The following SNX18 variants were observed in gnomAD, a reference collection of about 807,000 sequenced individuals.
SNX18 encodes sorting nexin 18.
A neutral mutation model predicts 48.7 loss-of-function variants in SNX18; 35 were observed. That is an observed-to-expected ratio of 0.72 (90% CI 0.55 to 0.95). The LOEUF is 0.95. SNX18 is among the 40% of genes least tolerant of loss of function. The pLI, the probability that SNX18 is intolerant of heterozygous loss-of-function variation, is 0.00. For missense variants in SNX18, 824 were observed against 871.0 expected (o/e 0.95, Z 0.68); for synonymous variants, 492 against 384.7 (o/e 1.28, Z -3.26).
the SNX18 span, among the ~76,000 whole-genome samples, chr5:54,566,573 A>C: frequency 6.6e-6 from 1 of 152,266 alleles, no homozygotes; most frequent in South Asian, 2.1e-4. Context: ...ATGGAAGTTT[A>C]TTTCTTCTTC....
the SNX18 span, among the ~76,000 whole-genome samples, chr5:54,609,559 T>C: frequency 6.6e-6 from 1 of 152,006 alleles, no homozygotes; most frequent in Non-Finnish European, 1.5e-5. Flanking sequence ...CCTCAAGTGA[T>C]CTCCCACCTC....
intron 1 of SNX18, among the ~76,000 whole-genome samples, chr5:54,535,284 A>G (rs1377698527): frequency 6.6e-6 from 1 of 152,210 alleles, no homozygotes; most frequent in Non-Finnish European, 1.5e-5. Context: ...AAGTGAATTT[A>G]GGACATTCGA....
chr5:54,626,085 T>G, the SNX18 span, among the ~76,000 whole-genome samples: 1 of 152,368 alleles, frequency 6.6e-6, no homozygotes, highest in Admixed American at 6.5e-5. Context: ...CTTCTCTTTT[T>G]GGCTTAAGCT....
Position 54,517,762 on chromosome 5 carries a change from CGGCGCTGCGAAGTGGA to C in SNX18, c.-180_-165del, listed in dbSNP as rs1268093418. On this transcript the variant is annotated 5_prime_UTR_variant, in exon 1 of 2. Coordinates refer to ENST00000381410, the MANE Select transcript of SNX18 (RefSeq NM_001102575.2). ...GGCTGCGGCGGCCCAGCGCGGCAGTCGGCGCTGCGAAGTGGAGGCGCTGCGAGCGGAGCCGCGCGGA... is the reference window on the plus strand; with the variant it reads ...GGCTGCGGCGGCCCAGCGCGGCAGTCGGCGCTGCGAGCGGAGCCGCGCGGA... 6.7e-5 allele frequency: 26 copies of C among 386,216 alleles called. No homozygotes were observed. Among genetic ancestry groups the C allele is most frequent in the Non-Finnish European group, 1.0e-4 (24 of 240,642 alleles). The allele number at this position is 386,216 out of a possible 1,614,324, so 23.9% of individuals were successfully genotyped here. A position where few individuals can be genotyped will look rare whatever the true frequency, so the allele number is the denominator to read the frequency against.
the SNX18 span, among the ~76,000 whole-genome samples, chr5:54,606,698 A>G: frequency 6.6e-6 from 1 of 152,168 alleles, no homozygotes; most frequent in Non-Finnish European, 1.5e-5. Flanking sequence ...GATCTCGTGT[A>G]TTCTTCACCC....
At chr5:54,557,039 C>T in the SNX18 span, among the ~76,000 whole-genome samples, 1 of 152,134 alleles carries the variant, frequency 6.6e-6, no homozygotes, top group South Asian at 2.1e-4. Context: ...AATAATTTGG[C>T]GTTTCTTTGA....
intron 1 of SNX18, among the ~76,000 whole-genome samples, chr5:54,535,057 A>G (rs1479971198): frequency 6.6e-6 from 1 of 152,232 alleles, no homozygotes; most frequent in African/African-American, 2.4e-5. Flanking sequence ...TTAAGGTAAT[A>G]TTAATGAACC....
rs1372092695 is a variant in SNX18, at chr5:54,543,450, A to C, written c.*18A>C. 6.2e-7 allele frequency: 1 copy of C among 1,608,282 alleles called. No homozygotes were observed. The highest frequency in any genetic ancestry group is 1.7e-4 in the Middle Eastern group (1 of 5,814). Reference sequence around the variant, plus strand: ...GTGTTTAATGACTGGACGTTGGATTATGGACTTTTTCAGTTCAAGGATAAT... The same window carrying C: ...GTGTTTAATGACTGGACGTTGGATTCTGGACTTTTTCAGTTCAAGGATAAT... On this transcript the variant is annotated 3_prime_UTR_variant, in exon 2 of 2. Coordinates refer to ENST00000381410, the MANE Select transcript of SNX18 (RefSeq NM_001102575.2).
At chr5:54,548,016 A>G (rs570508799), downstream of SNX18, among the ~76,000 whole-genome samples, 1 of 152,272 alleles carries the variant, frequency 6.6e-6, no homozygotes, top group East Asian at 1.9e-4. Flanking sequence ...AGGAAACCAG[A>G]AAAACCCAGC....
At chr5:54,577,282 G>A in the SNX18 span, among the ~76,000 whole-genome samples, 1 of 152,096 alleles carries the variant, frequency 6.6e-6, no homozygotes, top group South Asian at 2.1e-4. Context: ...ATATGTCATA[G>A]GAGTATGGAG....
the SNX18 span, among the ~76,000 whole-genome samples, chr5:54,620,865 A>G: frequency 6.6e-6 from 1 of 152,146 alleles, no homozygotes; most frequent in East Asian, 1.9e-4. Flanking sequence ...CTCTGTGCAC[A>G]TGCATTGCTG....
At chr5:54,590,877 C>G in the SNX18 span, among the ~76,000 whole-genome samples, 1 of 152,150 alleles carries the variant, frequency 6.6e-6, no homozygotes, top group Admixed American at 6.5e-5. Flanking sequence ...TATCTCCTGC[C>G]TGACGCTCGC....
intron 1 of SNX18, among the ~76,000 whole-genome samples, chr5:54,542,429 T>C (rs907192364): frequency 2.0e-5 from 3 of 152,214 alleles, no homozygotes; most frequent in African/African-American, 7.2e-5. Context: ...CAAATTCTTA[T>C]TAAAGCCCTT....
the SNX18 span, among the ~76,000 whole-genome samples, chr5:54,579,897 T>C: frequency 6.6e-6 from 1 of 152,162 alleles, no homozygotes; most frequent in African/African-American, 2.4e-5. Context: ...TTTCTAAATA[T>C]AGGAGTTGAA....
the SNX18 span, among the ~76,000 whole-genome samples, chr5:54,581,550 T>A: frequency 1.3e-5 from 2 of 152,052 alleles, no homozygotes; most frequent in African/African-American, 4.8e-5. Flanking sequence ...TGGGCTCAGC[T>A]CTCTCTGTGG....
At chr5:54,631,617 T>C in the SNX18 span, among the ~76,000 whole-genome samples, 2 of 152,182 alleles carry the variant, frequency 1.3e-5, no homozygotes, top group East Asian at 1.9e-4. Context: ...TTGAAAAAGA[T>C]ATTCTTTGCC....
the SNX18 span, among the ~76,000 whole-genome samples, chr5:54,563,338 G>A: frequency 6.6e-6 from 1 of 152,130 alleles, no homozygotes; most frequent in African/African-American, 2.4e-5. Context: ...CATGGTAAGT[G>A]CCCTATATGG....
the SNX18 span, among the ~76,000 whole-genome samples, chr5:54,621,968 C>T: frequency 1.3e-5 from 2 of 152,238 alleles, no homozygotes; most frequent in Non-Finnish European, 2.9e-5. Flanking sequence ...AATTTGACCG[C>T]TCCAACTGCC....
chr5:54,640,898 A>G, the SNX18 span, among the ~76,000 whole-genome samples: 1 of 152,090 alleles, frequency 6.6e-6, no homozygotes, highest in Admixed American at 6.5e-5. Context: ...CATCTCTACT[A>G]AAAATACAAA....
Sources: allele counts gnomAD v4.1 joint callset (sites outside exome capture counted in the v4.1 genomes callset), GRCh38; gene constraint gnomAD v4.1.1; transcripts MANE v1.5; gene names NCBI Gene and HGNC (gene_info 2026-07-23, HGNC 2026-07-21).